Variants in PLA2G4A observed in about 807,000 individuals in gnomAD.
PLA2G4A encodes the protein cytosolic phospholipase A2.
A neutral mutation model predicts 81.9 loss-of-function variants in PLA2G4A; 40 were observed. The ratio of observed to expected loss-of-function variants is 0.49; its 90% CI spans 0.38 to 0.64. The LOEUF (loss-of-function observed/expected upper bound fraction) is 0.64, where lower values mean the gene tolerates loss of function less well. PLA2G4A is among the 30% of genes least tolerant of loss of function. The pLI, the probability that PLA2G4A is intolerant of heterozygous loss-of-function variation, is 0.00. For synonymous variants in PLA2G4A, 302 were observed against 296.9 expected (o/e 1.02, Z -0.18); for missense variants, 715 against 905.1 (o/e 0.79, Z 2.69).
At chr1:186,911,927 G>C (rs1654958807) in intron 7 of PLA2G4A, among the ~76,000 whole-genome samples, 1 of 152,122 alleles carries the variant, frequency 6.6e-6, no homozygotes, top group African/African-American at 2.4e-5. Context: ...GGCAGTTGGA[G>C]GGGGAGGTGG....
intron 6 of PLA2G4A, among the ~76,000 whole-genome samples, chr1:186,909,660 C>A (rs77304072): frequency 1.1e-3 from 122 of 112,948 alleles, no homozygotes; most frequent in East Asian, 2.0e-3. Flanking sequence ...AACTCCGTCT[C>A]AAAAAAAAAA....
intron 1 of PLA2G4A, among the ~76,000 whole-genome samples, chr1:186,840,864 A>T (rs1458746579): frequency 1.3e-5 from 2 of 152,194 alleles, no homozygotes; most frequent in African/African-American, 4.8e-5. Context: ...TTAAAGAGGG[A>T]GTGGAACCCT....
intron 1 of PLA2G4A, among the ~76,000 whole-genome samples, chr1:186,832,915 C>T (rs191068695): frequency 2.6e-5 from 4 of 152,102 alleles, no homozygotes; most frequent in South Asian, 2.1e-4. Flanking sequence ...TTTCCTGAAA[C>T]CTTTCCCTTA....
intron 3 of PLA2G4A, among the ~76,000 whole-genome samples, chr1:186,883,234 T>C (rs1471783395): frequency 6.6e-6 from 1 of 152,054 alleles, no homozygotes; most frequent in African/African-American, 2.4e-5. Context: ...CCAGAACTGA[T>C]TCAGAGTAAC....
intron 14 of PLA2G4A, among the ~76,000 whole-genome samples, chr1:186,964,697 CA>C (rs1355939578): frequency 6.6e-6 from 1 of 152,200 alleles, no homozygotes; most frequent in Non-Finnish European, 1.5e-5. Flanking sequence ...TTGCATTTAT[CA>C]CGTTATGAAG....
At chr1:186,930,678 A>G (rs1655711234) in intron 7 of PLA2G4A, among the ~76,000 whole-genome samples, 1 of 152,152 alleles carries the variant, frequency 6.6e-6, no homozygotes, top group African/African-American at 2.4e-5. Flanking sequence ...AATTAACCAT[A>G]CCTATAGACT....
intron 3 of PLA2G4A, among the ~76,000 whole-genome samples, chr1:186,883,393 A>G (rs1226716663): frequency 6.6e-6 from 1 of 152,104 alleles, no homozygotes; most frequent in African/African-American, 2.4e-5. Flanking sequence ...TGCCATTTAA[A>G]CCTTGAAGAT....
At chr1:186,911,564 A>G (rs974217067) in intron 7 of PLA2G4A, among the ~76,000 whole-genome samples, 175 bp downstream of exon 7, 2 of 152,160 alleles carry the variant, frequency 1.3e-5, no homozygotes, top group African/African-American at 4.8e-5. Context: ...GTCATCACAA[A>G]TGGTGCCCTA....
Position 186,932,819 on chromosome 1 carries a change from C to A in PLA2G4A, c.615C>A (p.Phe205Leu). 1 of 1,613,224 alleles carries A rather than the reference C, an allele frequency of 6.2e-7. No homozygotes were observed. Among genetic ancestry groups the A allele is most frequent in the Non-Finnish European group, 8.5e-7 (1 of 1,179,274 alleles). Residue 205 changes from phenylalanine (F) to leucine (L), a missense_variant, in exon 8 of 18, where the codon TTC becomes TTA. Coordinates refer to ENST00000367466, the MANE Select transcript of PLA2G4A (RefSeq NM_024420.3). ...SGGGFRAMVGFSGVMKALYES... is the reference protein window; with the variant it reads ...SGGGFRAMVGLSGVMKALYES... Reference sequence around the variant, plus strand: ...GGGGTTTCCGAGCCATGGTGGGATTCTCTGGTGTGATGAAGGCATTATACG... The same window carrying A: ...GGGGTTTCCGAGCCATGGTGGGATTATCTGGTGTGATGAAGGCATTATACG...
chr1:186,959,267 CCA>C lies in PLA2G4A; in HGVS notation c.1579+2925_1579+2926del. 2.0e-5 allele frequency among the ~76,000 whole-genome samples: 3 copies of C among 152,200 alleles called. No homozygotes were observed. In the South Asian group the frequency reaches 6.2e-4, roughly 32 times the overall value. On this transcript the variant is annotated intron_variant, in intron 14 of 17. Transcript: ENST00000367466. ...GCATTTGGAGAATAATAGTTGTACA[CCA>C]CCTTGTCGACTCCTTTCTTCATTTA...
intron 10 of PLA2G4A, among the ~76,000 whole-genome samples, chr1:186,940,463 G>A (rs1480047907): frequency 3.9e-5 from 6 of 152,120 alleles, no homozygotes; most frequent in African/African-American, 7.2e-5. Context: ...TGGGTAATAT[G>A]ATCTACAGTC....
At chr1:186,845,597 G>T (rs1652143155) in intron 1 of PLA2G4A, among the ~76,000 whole-genome samples, 1 of 152,112 alleles carries the variant, frequency 6.6e-6, no homozygotes, top group South Asian at 2.1e-4. Flanking sequence ...GAGGGAAAGA[G>T]AAAAGAATCT....
intron 3 of PLA2G4A, among the ~76,000 whole-genome samples, chr1:186,888,775 T>C (rs1177194168): frequency 6.6e-6 from 1 of 152,170 alleles, no homozygotes; most frequent in Non-Finnish European, 1.5e-5. Context: ...ATGCCTCCCC[T>C]TCCCACACAC....
At position 186,927,973 on chromosome 1, in the gene PLA2G4A, C is replaced by T. The variant is rs12720581; in HGVS notation, c.559-4790C>T. On this transcript the variant is annotated intron_variant, in intron 7 of 17. Coordinates refer to ENST00000367466, the MANE Select transcript of PLA2G4A (RefSeq NM_024420.3). ...TATTCTTCTTTCAGTTGGTAAAGGT[C>T]GAAAGGCAGGCAGTGGAGGGCTCCC... Among the ~76,000 whole-genome samples, 1,050 of 152,172 alleles carry T rather than the reference C, an allele frequency of 6.9e-3. 4 individuals carry two copies. Among genetic ancestry groups the T allele is most frequent in the African/African-American group, 0.014 (564 of 41,508 alleles).
chr1:186,946,542 A>G, intron 10 of PLA2G4A, 95 bp from the exon 11 acceptor site: 2 of 881,930 alleles, frequency 2.3e-6, no homozygotes, highest in Non-Finnish European at 3.8e-6. Context: ...ATGAATGAGA[A>G]TAAGCATAAC....
chr1:186,893,905 T>G (rs1328706064), intron 4 of PLA2G4A, among the ~76,000 whole-genome samples, 193 bp from the exon 5 acceptor site: 1 of 130,640 alleles, frequency 7.7e-6, no homozygotes, highest in African/African-American at 2.8e-5. Flanking sequence ...GCCTGGTGAG[T>G]GAGACCCTGT....
chr1:186,835,619 G>C (rs1447096689), intron 1 of PLA2G4A, among the ~76,000 whole-genome samples: 1 of 152,182 alleles, frequency 6.6e-6, no homozygotes, highest in Admixed American at 6.5e-5. Context: ...CTGCCATGAA[G>C]AAGAGGTGGA....
chr1:186,873,937 G>T (rs1363020083), intron 3 of PLA2G4A, among the ~76,000 whole-genome samples: 2 of 152,038 alleles, frequency 1.3e-5, no homozygotes, highest in Non-Finnish European at 2.9e-5. Context: ...GACTCCTTCT[G>T]CATTCTTATG....
Position 186,932,833 on chromosome 1 carries a change from A to C in PLA2G4A, c.629A>C (p.Lys210Thr). Reference protein sequence around the residue: ...RAMVGFSGVMKALYESGILDC... With the variant: ...RAMVGFSGVMTALYESGILDC... ...ATGGTGGGATTCTCTGGTGTGATGA[A>C]GGCATTATACGAATCAGGAATTCTG... is the stretch of plus-strand genomic sequence containing the variant. The change falls in exon 8 of 18, where the codon AAG (lysine) becomes ACG (threonine). Residue 210 changes from lysine (K) to threonine (T), a missense_variant. Transcript: ENST00000367466. 1 of 1,612,964 alleles carries C rather than the reference A, an allele frequency of 6.2e-7. No individual in the cohort carries two copies. The highest frequency in any genetic ancestry group is 8.5e-7 in the Non-Finnish European group (1 of 1,178,998).
Sources: allele counts gnomAD v4.1 joint callset (sites outside exome capture counted in the v4.1 genomes callset), GRCh38; gene constraint gnomAD v4.1.1; transcripts MANE v1.5; gene names NCBI Gene and HGNC (gene_info 2026-07-23, HGNC 2026-07-21).